Variants in IL1RL2 observed in about 807,000 individuals in gnomAD.
The protein encoded by IL1RL2 is interleukin-1 receptor-like 2.
A neutral mutation model predicts 66.8 loss-of-function variants in IL1RL2; 68 were observed. The observed-to-expected ratio is 1.02, with a 90% CI of 0.84 to 1.25. The LOEUF (loss-of-function observed/expected upper bound fraction) is 1.25, where lower values mean the gene tolerates loss of function less well. IL1RL2 is among the 50% of genes most tolerant of loss of function. The pLI is 0.00. For synonymous variants in IL1RL2, 305 were observed against 264.6 expected (o/e 1.15, Z -1.48); for missense variants, 729 against 709.3 (o/e 1.03, Z -0.32).
intron 6 of IL1RL2, among the ~76,000 whole-genome samples, chr2:102,212,865 A>T (rs781671770): frequency 6.6e-6 from 1 of 152,186 alleles, no homozygotes; most frequent in Admixed American, 6.5e-5. Context: ...GCTACTTGGG[A>T]GGCCGAGGCA....
In IL1RL2 at chr2:102,231,131, G is replaced by T. The variant is rs534034948; in HGVS notation, c.1136-1832G>T. Among the ~76,000 whole-genome samples, 56 of 152,238 alleles carry T rather than the reference G, an allele frequency of 3.7e-4. 1 individual carries two copies. The East Asian group carries it at 8.3e-3, about 23-fold the overall frequency. ...CACACTTACCTCTTCTTCCACTCAA[G>T]CCCTCTGGCCCTGCTGAAGTCCTTA... On this transcript the variant is annotated intron_variant, in intron 9 of 11. Transcript: ENST00000264257.
intron 4 of IL1RL2, among the ~76,000 whole-genome samples, chr2:102,197,685 T>C (rs767005707): frequency 3.9e-5 from 6 of 152,230 alleles, no homozygotes; most frequent in Non-Finnish European, 7.3e-5. Context: ...CTGCTCTTTC[T>C]GCTGGAAAGC....
intron 5 of IL1RL2, among the ~76,000 whole-genome samples, chr2:102,210,647 A>G (rs894269791): frequency 2.0e-5 from 3 of 152,238 alleles, no homozygotes; most frequent in Non-Finnish European, 4.4e-5. Context: ...TGGCAAGGTC[A>G]AAAAAGTTAA....
intron 8 of IL1RL2, among the ~76,000 whole-genome samples, chr2:102,220,599 G>A (rs1049271506): frequency 1.3e-5 from 2 of 152,144 alleles, no homozygotes; most frequent in Non-Finnish European, 2.9e-5. Context: ...ACCTATCAGG[G>A]GAGGTGTGTG....
chr2:102,239,398 C>A lies in IL1RL2; in HGVS notation c.*157C>A. The A allele has an allele frequency of 1.5e-6, 1 of 661,828 alleles. No individual in the cohort carries two copies. The highest frequency in any genetic ancestry group is 2.9e-5 in the East Asian group (1 of 34,206). 41.0% of individuals were successfully genotyped at this position (661,828 alleles called of 1,614,324 possible). A position where few individuals can be genotyped will look rare whatever the true frequency, so the allele number is the denominator to read the frequency against. ...AGAGAAGAGGAGGATGGGATAAGAA[C>A]TGGGGCCATCCCCATGTCATGGTGG... On this transcript the variant is annotated 3_prime_UTR_variant, in exon 12 of 12. Coordinates refer to ENST00000264257, the MANE Select transcript of IL1RL2 (RefSeq NM_003854.4).
intron 11 of IL1RL2, 37 bp downstream of exon 11, chr2:102,235,314 T>G: frequency 6.3e-7 from 1 of 1,591,546 alleles, no homozygotes; most frequent in Non-Finnish European, 8.6e-7. Context: ...TGTCACGCAC[T>G]GATGGAGGGT....
chr2:102,208,843 A>G (rs1431201348), intron 5 of IL1RL2, among the ~76,000 whole-genome samples: 2 of 152,252 alleles, frequency 1.3e-5, no homozygotes, highest in Non-Finnish European at 2.9e-5. Context: ...TTCATGCTAA[A>G]AGCACAGTCA....
At chr2:102,236,347 G>A (rs1212213328) in intron 11 of IL1RL2, among the ~76,000 whole-genome samples, 3 of 152,148 alleles carry the variant, frequency 2.0e-5, no homozygotes, top group Non-Finnish European at 4.4e-5. Flanking sequence ...TGTGGTCTTA[G>A]GATGGCATGG....
At chr2:102,240,932 A>C (rs751760922), downstream of IL1RL2, among the ~76,000 whole-genome samples, 1 of 152,384 alleles carries the variant, frequency 6.6e-6, no homozygotes, top group Middle Eastern at 3.4e-3. Context: ...CTCTTGAGAC[A>C]CAGGACAAAC....
intron 3 of IL1RL2, 104 bp downstream of exon 3, chr2:102,189,414 T>C (rs1687029847): frequency 2.9e-6 from 2 of 689,820 alleles, no homozygotes; most frequent in Non-Finnish European, 4.7e-6. Flanking sequence ...AATTATGTTG[T>C]TGTATGTTTT....
chr2:102,239,383 A>G lies in IL1RL2; in HGVS notation c.*142A>G. Reference sequence around the variant, plus strand: ...GTTGAGCTCAGGCGTAGAGAAGAGGAGGATGGGATAAGAACTGGGGCCATC... The same window carrying G: ...GTTGAGCTCAGGCGTAGAGAAGAGGGGGATGGGATAAGAACTGGGGCCATC... On this transcript the variant is annotated 3_prime_UTR_variant, in exon 12 of 12. Transcript: ENST00000264257. 1 of 747,264 alleles carries G rather than the reference A, an allele frequency of 1.3e-6. No individual in the cohort carries two copies. The highest frequency in any genetic ancestry group is 2.3e-6 in the Non-Finnish European group (1 of 427,210). 46.3% of individuals were successfully genotyped at this position (747,264 alleles called of 1,614,324 possible).
intron 9 of IL1RL2, among the ~76,000 whole-genome samples, chr2:102,227,763 G>A (rs968972157): frequency 6.6e-6 from 1 of 152,122 alleles, no homozygotes; most frequent in African/African-American, 2.4e-5. Flanking sequence ...GTCACTTTAC[G>A]TATTCTTCCT....
intron 4 of IL1RL2, among the ~76,000 whole-genome samples, chr2:102,198,633 C>G (rs1392239102): frequency 1.3e-5 from 2 of 152,144 alleles, no homozygotes. Context: ...AAGACTTATT[C>G]TTTGTCTCTG....
chr2:102,218,853 T>A lies in IL1RL2; in HGVS notation c.725-100T>A. The A allele has an allele frequency of 4.9e-6, 5 of 1,010,942 alleles. No individual in the cohort carries two copies. In the South Asian group the frequency reaches 7.6e-5, roughly 15 times the overall value. 62.6% of individuals were successfully genotyped at this position (1,010,942 alleles called of 1,614,324 possible). A position where few individuals can be genotyped will look rare whatever the true frequency, so the allele number is the denominator to read the frequency against. ...GGCTATTTCTGGTAATCAAAAGGTATTCGAGGCTCGAGAGTACGATGCACT... is the reference window on the plus strand; with the variant it reads ...GGCTATTTCTGGTAATCAAAAGGTAATCGAGGCTCGAGAGTACGATGCACT... On this transcript the variant is annotated intron_variant, in intron 6 of 11. Transcript: ENST00000264257.
rs184993441 is a variant in IL1RL2 at position 102,194,100 on chromosome 2, C to T, written c.489+1980C>T. ...AGAAAGAAAACATTACTAGCACCTC[C>T]GAAGGCCCACCTCTTCCATCTTGCA... On this transcript the variant is annotated intron_variant, in intron 4 of 11. Transcript: ENST00000264257. Among the ~76,000 whole-genome samples, 30 of 152,262 alleles carry T rather than the reference C, an allele frequency of 2.0e-4. 1 individual carries two copies. The East Asian group carries it at 3.5e-3, about 18-fold the overall frequency.
chr2:102,239,222 G>C lies in IL1RL2; in HGVS notation c.1709G>C (p.Cys570Ser), dbSNP rs754902709. Reference protein sequence around the residue: ...GPELGSRRKKCTLTTG With the variant: ...GPELGSRRKKSTLTTG ...GAACTAGGCTCAAGAAGAAAGAAGTGTACTCTCACGACTGGCTAAGACTTG... is the reference window on the plus strand; with the variant it reads ...GAACTAGGCTCAAGAAGAAAGAAGTCTACTCTCACGACTGGCTAAGACTTG... Residue 570 changes from cysteine (C) to serine (S), a missense_variant, in exon 12 of 12, where the codon TGT (cysteine) becomes TCT (serine). Cys to Ser is a moderately radical substitution (Grantham distance 112). Coordinates refer to ENST00000264257, the MANE Select transcript of IL1RL2 (RefSeq NM_003854.4). 6 of 1,613,966 alleles carry C rather than the reference G, an allele frequency of 3.7e-6. No homozygotes were observed. In the African/African-American group the frequency reaches 8.0e-5, roughly 22 times the overall value.
At chr2:102,187,452 G>A in intron 1 of IL1RL2, 2 of 1,007,108 alleles carry the variant, frequency 2.0e-6, no homozygotes, top group Non-Finnish European at 1.3e-6. Flanking sequence ...GGCTCCGTGC[G>A]CCGCGAGCGG....
intron 2 of IL1RL2, 143 bp downstream of exon 2, chr2:102,188,068 G>A: frequency 2.7e-6 from 2 of 754,180 alleles, no homozygotes; most frequent in Non-Finnish European, 4.6e-6. Flanking sequence ...CCGCGGAAGA[G>A]GAAACAGAGA....
intron 4 of IL1RL2, among the ~76,000 whole-genome samples, chr2:102,195,557 T>C (rs1035095748): frequency 8.8e-6 from 1 of 114,038 alleles, no homozygotes; most frequent in Admixed American, 9.4e-5. Flanking sequence ...ATTTCTTTCT[T>C]TCTCTTTCTT....
Sources: allele counts gnomAD v4.1 joint callset (sites outside exome capture counted in the v4.1 genomes callset), GRCh38; gene constraint gnomAD v4.1.1; transcripts MANE v1.5; gene names NCBI Gene and HGNC (gene_info 2026-07-23, HGNC 2026-07-21).